MIB2: variants seen among roughly 807,000 people sequenced by gnomAD.
MIB2 encodes MIB E3 ubiquitin protein ligase 2.
In MIB2, 78 loss-of-function variants were observed where a neutral mutation model predicts 96.6. The ratio of observed to expected loss-of-function variants is 0.81; its 90% CI spans 0.67 to 0.97. MIB2 has a LOEUF of 0.97. Ranked by LOEUF, MIB2 falls within the 50% of genes least tolerant of loss-of-function variation. The pLI, the probability that MIB2 is intolerant of heterozygous loss-of-function variation, is 0.00. For synonymous variants in MIB2, 820 were observed against 629.5 expected (o/e 1.30, Z -4.53); for missense variants, 1,543 against 1,424.0 (o/e 1.08, Z -1.35).
Position 1,623,959 on chromosome 1 carries a change from C to T in MIB2, c.419+14C>T, listed in dbSNP as rs558989438. 1.8e-5 allele frequency: 29 copies of T among 1,594,634 alleles called. No individual in the cohort carries two copies. Among genetic ancestry groups the T allele is most frequent in the East Asian group, 1.4e-4 (6 of 44,340 alleles). ...TCACTCGCGCCCGTGAGTCCCGGGC[C>T]GCACCGGCTCCTGTGCGGCGGGTAC... On this transcript the variant is annotated intron_variant, in intron 4 of 19. Coordinates refer to ENST00000355826, the MANE Select transcript of MIB2 (RefSeq NM_001170687.4).
In MIB2 at chr1:1,628,189, G is replaced by T; in HGVS notation, c.1841+10G>T. 1.2e-6 allele frequency: 2 copies of T among 1,612,848 alleles called. No homozygotes were observed. Among genetic ancestry groups the T allele is most frequent in the Non-Finnish European group, 1.7e-6 (2 of 1,179,698 alleles). On this transcript the variant is annotated intron_variant, in intron 14 of 19. Coordinates refer to ENST00000355826, the MANE Select transcript of MIB2 (RefSeq NM_001170687.4). ...TCAAGGGTCACGCGCTGTGAGTGTG[G>T]GGTGGGCACACAGCTGCAGCCGGCC... is the stretch of plus-strand genomic sequence containing the variant.
In MIB2 at chr1:1,625,956, G is replaced by A; in HGVS notation, c.972+303G>A. 1 of 479,382 alleles carries A rather than the reference G, an allele frequency of 2.1e-6. No individual in the cohort carries two copies. The highest frequency in any genetic ancestry group is 3.8e-6 in the Non-Finnish European group (1 of 263,610). The allele number at this position is 479,382 out of a possible 1,614,324, so 29.7% of individuals were successfully genotyped here. ...TTCGTGGGCGGGAGGGAGGCGGCTG[G>A]GCTAAGATGCTCCTGGTTAGTGCTG... is the stretch of plus-strand genomic sequence containing the variant. On this transcript the variant is annotated intron_variant, in intron 8 of 19. Coordinates refer to ENST00000355826, the MANE Select transcript of MIB2 (RefSeq NM_001170687.4). This position sits in a 1 kb window ranked among gnomAD's most constrained non-coding sequence, Gnocchi z 5.0.
At position 1,615,527 on chromosome 1, in the gene MIB2, G is replaced by A; in HGVS notation, c.-236G>A. On this transcript the variant is annotated 5_prime_UTR_variant, in exon 1 of 20. Coordinates refer to ENST00000355826, the MANE Select transcript of MIB2 (RefSeq NM_001170687.4). ...CCTTCGGGTCCCACAGTTTCCAGCCGCCGCTCTCCTCAGTGCCCGGTGGCC... is the reference window on the plus strand; with the variant it reads ...CCTTCGGGTCCCACAGTTTCCAGCCACCGCTCTCCTCAGTGCCCGGTGGCC... 2 of 1,532,376 alleles carry A rather than the reference G, an allele frequency of 1.3e-6. No homozygotes were observed. The highest frequency in any genetic ancestry group is 1.7e-6 in the Non-Finnish European group (2 of 1,145,316). The allele number at this position is 1,532,376 out of a possible 1,614,324, so 94.9% of individuals were successfully genotyped here.
At chr1:1,616,367 C>A (rs1025850667) in intron 1 of MIB2, 141 bp from the exon 2 acceptor site, 24 of 636,826 alleles carry the variant, frequency 3.8e-5, no homozygotes, top group Middle Eastern at 4.5e-4. Flanking sequence ...GGGAGCCCAT[C>A]CGGGCAGGCG....
At position 1,625,140 on chromosome 1, in the gene MIB2, G is replaced by A. The variant is rs1250293210; in HGVS notation, c.676G>A (p.Glu226Lys). The change falls in exon 6 of 20, where the codon GAG becomes AAG. Residue 226 changes from glutamate (E) to lysine (K), a missense_variant. Glu to Lys is a moderately conservative substitution (Grantham distance 56, BLOSUM62 1). Transcript: ENST00000355826. The surrounding 1 kb of genome is among the most constrained non-coding windows in gnomAD (Gnocchi z 5.0). ...CAAGGTGGACCTCAAGTGTGTGGGC[G>A]AGGCAGCGGGCGGCTTCTACTACAA... ...KGKVDLKCVG[E>K]AAGGFYYKDH... The A allele has an allele frequency of 1.2e-5, 20 of 1,612,786 alleles. No individual in the cohort carries two copies. In the East Asian group the frequency reaches 2.9e-4, roughly 23 times the overall value.
rs750480310 is a variant in MIB2, at chr1:1,628,370, C to G, written c.1939C>G (p.Arg647Gly). The G allele has an allele frequency of 4.3e-6, 7 of 1,612,520 alleles. No individual in the cohort carries two copies. Among genetic ancestry groups the G allele is most frequent in the African/African-American group, 4.0e-5 (3 of 74,942 alleles). ...ALHLAALNNH[R>G]EVAQILIREG... is the part of the protein sequence containing the mutation. Reference sequence around the variant, plus strand: ...GCATCTGGCTGCCCTCAACAACCACCGCGAGGTGGCCCAGATCCTCATCCG... The same window carrying G: ...GCATCTGGCTGCCCTCAACAACCACGGCGAGGTGGCCCAGATCCTCATCCG... The change falls in exon 15 of 20, where the codon CGC becomes GGC. Residue 647 changes from arginine (R) to glycine (G), a missense_variant. By Grantham distance (125) the Arg-to-Gly change is moderately radical. Coordinates refer to ENST00000355826, the MANE Select transcript of MIB2 (RefSeq NM_001170687.4).
chr1:1,629,522 T>C lies in MIB2; in HGVS notation c.2519T>C (p.Leu840Pro). Reference protein sequence around the residue: ...AECLVCSELALLVLFSPCQHR... With the variant: ...AECLVCSELAPLVLFSPCQHR... ...TGCCTGGTGTGCTCCGAGCTGGCGC[T>C]GCTGGTGCTGTTCTCGCCGTGCCAG... Residue 840 changes from leucine to proline, a missense_variant, in exon 18 of 20, where the codon CTG becomes CCG. By Grantham distance (98) the Leu-to-Pro change is moderately conservative. Coordinates refer to ENST00000355826, the MANE Select transcript of MIB2 (RefSeq NM_001170687.4). The C allele has an allele frequency of 1.3e-6, 2 of 1,540,616 alleles. No homozygotes were observed. The highest frequency in any genetic ancestry group is 1.4e-5 in the African/African-American group (1 of 72,742).
chr1:1,616,489 C>A lies in MIB2; in HGVS notation c.-129-19C>A. 6.5e-7 allele frequency: 1 copy of A among 1,528,556 alleles called. No homozygotes were observed. The highest frequency in any genetic ancestry group is 1.2e-5 in the South Asian group (1 of 83,022). 94.7% of individuals were successfully genotyped at this position (1,528,556 alleles called of 1,614,324 possible). On this transcript the variant is annotated intron_variant, in intron 1 of 19. Coordinates refer to ENST00000355826, the MANE Select transcript of MIB2 (RefSeq NM_001170687.4). ...TCGAGGTGCTAACTGTGCATCTTGG[C>A]ATCTCCCCTCGGCCACAGGGTTGGA... is the stretch of plus-strand genomic sequence containing the variant.
intron 11 of MIB2, 26 bp from the exon 12 acceptor site, chr1:1,627,270 G>T (rs1349408801): frequency 6.2e-7 from 1 of 1,613,144 alleles, no homozygotes; most frequent in Non-Finnish European, 8.5e-7. Flanking sequence ...GAGGGCCAGG[G>T]ACTCACCTGC....
chr1:1,620,013 G>A (rs1419909185), intron 2 of MIB2, among the ~76,000 whole-genome samples: 1 of 152,248 alleles, frequency 6.6e-6, no homozygotes, highest in Admixed American at 6.5e-5. Context: ...GTGACGCGGG[G>A]GCCGCCAAGG....
Position 1,629,477 on chromosome 1 carries a change from CG to C in MIB2, c.2478del (p.Glu828ArgfsTer33). ...TVTNLHVGAAPGPEAAECLVC... is the reference protein window; with the variant it reads ...TVTNLHVGAAXGPEAAECLVC... The stretch of plus-strand genomic sequence containing the variant: ...ACGAACCTGCACGTGGGCGCCGCGC[CG>C]GGGCCCGAGGCCGCTGAGTGCCTGG... On this transcript the variant is annotated frameshift_variant, in exon 18 of 20. Coordinates refer to ENST00000355826, the MANE Select transcript of MIB2 (RefSeq NM_001170687.4). LOFTEE classifies it high-confidence loss of function. 2 of 1,532,596 alleles carry C rather than the reference CG, an allele frequency of 1.3e-6. No homozygotes were observed. Among genetic ancestry groups the C allele is most frequent in the East Asian group, 2.5e-5 (1 of 40,496 alleles). The allele number at this position is 1,532,596 out of a possible 1,614,324, so 94.9% of individuals were successfully genotyped here. A position where few individuals can be genotyped will look rare whatever the true frequency, so the allele number is the denominator to read the frequency against.
At chr1:1,618,718 G>A (rs1643970289) in intron 2 of MIB2, 1 of 152,356 alleles carries the variant, frequency 6.6e-6, no homozygotes. Context: ...GGCTGCTTGT[G>A]CGACCCCACA....
Position 1,623,551 on chromosome 1 carries a change from G to A in MIB2, c.99G>A (p.Val33=), listed in dbSNP as rs1368625552. 1.3e-6 allele frequency: 2 copies of A among 1,532,170 alleles called. No individual in the cohort carries two copies. Among genetic ancestry groups the A allele is most frequent in the East Asian group, 2.4e-5 (1 of 40,822 alleles). The allele number at this position is 1,532,170 out of a possible 1,614,324, so 94.9% of individuals were successfully genotyped here. The stretch of plus-strand genomic sequence containing the variant: ...AGCAGGACGGCGGCGAGGGCGGCGT[G>A]GGCACGGTGGTGGAGCTTGGCCGCC... The part of the protein sequence containing the change: ...WGQQDGGEGG[V]GTVVELGRHG... The change falls in exon 3 of 20, where the codon GTG becomes GTA. Residue 33 remains valine (V), a synonymous_variant. Transcript: ENST00000355826.
At chr1:1,621,894 C>CG (rs1378691592) in intron 2 of MIB2, among the ~76,000 whole-genome samples, 1 of 152,250 alleles carries the variant, frequency 6.6e-6, no homozygotes, top group African/African-American at 2.4e-5. Context: ...GGGCCTTGCT[C>CG]GGGGGACAAC....
rs558534016 is a variant in MIB2, at chr1:1,628,064, A to G, written c.1726A>G (p.Thr576Ala). The change falls in exon 14 of 20, where the codon ACT (threonine) becomes GCT (alanine). Residue 576 changes from threonine to alanine, a missense_variant. Transcript: ENST00000355826. ...CCTGCACTCCGCCATCTCGGCGGGC[A>G]CTGGAGCCAGCGGCATTGTCGAGGT... ...TPLHSAISAG[T>A]GASGIVEVLT... The G allele has an allele frequency of 6.9e-5, 111 of 1,612,976 alleles. No individual in the cohort carries two copies. The highest frequency in any genetic ancestry group is 9.1e-5 in the Non-Finnish European group (107 of 1,179,976).
chr1:1,629,117 C>T lies in MIB2; in HGVS notation c.2203-16C>T. On this transcript the variant is annotated splice_polypyrimidine_tract_variant and intron_variant, in intron 16 of 19. Coordinates refer to ENST00000355826, the MANE Select transcript of MIB2 (RefSeq NM_001170687.4). ...CCCCGGCGCCCGCCCTCACCGGCGT[C>T]TGTCCTGCCGCCCAGCTACAGGCCT... 6.9e-7 allele frequency: 1 copy of T among 1,457,564 alleles called. No homozygotes were observed. The allele number at this position is 1,457,564 out of a possible 1,614,324, so 90.3% of individuals were successfully genotyped here.
rs372541834 is a variant in MIB2, at chr1:1,625,435, C to T, written c.864+7C>T. On this transcript the variant is annotated splice_region_variant and intron_variant, in intron 7 of 19. Transcript: ENST00000355826. This position sits in a 1 kb window ranked among gnomAD's most constrained non-coding sequence, Gnocchi z 5.0. ...GAACCCCAGGATGGCGGAGGTGAGCCGCCCCGCCGTGGAGCCCTGTGTGCC... is the reference window on the plus strand; with the variant it reads ...GAACCCCAGGATGGCGGAGGTGAGCTGCCCCGCCGTGGAGCCCTGTGTGCC... 1.2e-4 allele frequency: 193 copies of T among 1,558,840 alleles called. 1 individual carries two copies. In the African/African-American group the frequency reaches 1.4e-3, roughly 11 times the overall value.
At chr1:1,615,771 C>G (rs958241630) in intron 1 of MIB2, 138 bp downstream of exon 1, 27 of 1,406,834 alleles carry the variant, frequency 1.9e-5, no homozygotes, top group Non-Finnish European at 1.9e-5. Flanking sequence ...GCGTAGGGTC[C>G]GCACGGGATG....
In MIB2 at chr1:1,624,110, GGGTGGCCTCTGGGTGGCTCTACA is replaced by G. The variant is rs1380741884; in HGVS notation, c.419+168_419+190del. The stretch of plus-strand genomic sequence containing the variant: ...AGTGGTGCCATGGGCAGGGCACAGA[GGGTGGCCTCTGGGTGGCTCTACA>G]GGCAGCAGTGGCCATCAGGCAGCCA... On this transcript the variant is annotated intron_variant, in intron 4 of 19. Transcript: ENST00000355826. 1.3e-4 allele frequency: 114 copies of G among 873,200 alleles called. 4 individuals carry two copies. The South Asian group carries it at 1.7e-3, about 13-fold the overall frequency. 54.1% of individuals were successfully genotyped at this position (873,200 alleles called of 1,614,324 possible).
Sources: gnomAD v4.1 joint callset for allele counts (sites outside exome capture counted in the v4.1 genomes callset) on GRCh38, gnomAD v4.1.1 for gene constraint, Gnocchi (gnomAD v3.1) non-coding constraint, MANE v1.5 for transcripts, NCBI Gene and HGNC (gene_info 2026-07-23, HGNC 2026-07-21) for gene names.